TTC23L: variants seen among roughly 807,000 people sequenced by gnomAD.
TTC23L encodes tetratricopeptide repeat domain 23 like, also known as tetratricopeptide repeat protein 23-like.
Under a neutral mutation model 48.1 loss-of-function variants are expected in TTC23L, and 42 were observed. The observed-to-expected ratio is 0.87, with a 90% CI of 0.68 to 1.13. The LOEUF (loss-of-function observed/expected upper bound fraction) is 1.13, where lower values mean the gene tolerates loss of function less well. Ranked by LOEUF, TTC23L falls within the 50% of genes most tolerant of loss-of-function variation. TTC23L has a pLI of 0.00. For missense variants in TTC23L, 391 were observed against 421.0 expected (o/e 0.93, Z 0.62); for synonymous variants, 159 against 157.2 (o/e 1.01, Z -0.09).
chr5:34,923,768 A>G, the TTC23L span, among the ~76,000 whole-genome samples: 1 of 152,184 alleles, frequency 6.6e-6, no homozygotes, highest in Non-Finnish European at 1.5e-5. Flanking sequence ...AAATGCAAAT[A>G]ATTCTTTTGT....
the TTC23L span, chr5:34,914,091 C>T: frequency 7.0e-6 from 3 of 427,470 alleles, no homozygotes; most frequent in African/African-American, 2.0e-5. Context: ...TGTGCACTTA[C>T]GTGTTAAAAA....
At position 34,851,981 on chromosome 5, in the gene TTC23L, G is replaced by T. The variant is rs562651356; in HGVS notation, c.379+1673G>T. Reference sequence around the variant, plus strand: ...TTGAGGAAAGTCAGGGAAGGCTGCCGAGAGAAAGTGATATTTGTCCTGTCT... The same window carrying T: ...TTGAGGAAAGTCAGGGAAGGCTGCCTAGAGAAAGTGATATTTGTCCTGTCT... On this transcript the variant is annotated intron_variant, in intron 4 of 10. Transcript: ENST00000505624. Among the ~76,000 whole-genome samples the T allele has an allele frequency of 2.0e-5, 3 of 152,298 alleles. No homozygotes were observed. The South Asian group carries it at 6.2e-4, about 32-fold the overall frequency.
the TTC23L span, chr5:34,908,730 T>C: frequency 6.6e-7 from 1 of 1,524,718 alleles, no homozygotes; most frequent in Non-Finnish European, 8.9e-7. Context: ...TCATCTATCA[T>C]AAATGTACAC....
At chr5:34,877,622 C>T (rs778383430) in intron 8 of TTC23L, among the ~76,000 whole-genome samples, 1 of 152,036 alleles carries the variant, frequency 6.6e-6, no homozygotes, top group Non-Finnish European at 1.5e-5. Flanking sequence ...CGGGGTTTCA[C>T]CATGTTGGCC....
intron 10 of TTC23L, among the ~76,000 whole-genome samples, chr5:34,897,667 G>A (rs919921308): frequency 2.0e-5 from 3 of 152,092 alleles, no homozygotes; most frequent in Non-Finnish European, 4.4e-5. Context: ...CATACCTAAA[G>A]TCTTTTTGAA....
intron 9 of TTC23L, among the ~76,000 whole-genome samples, chr5:34,881,688 A>T (rs1762232569): frequency 6.6e-6 from 1 of 151,612 alleles, no homozygotes; most frequent in African/African-American, 2.4e-5. Context: ...TTTAATTGCC[A>T]TTTGTAAAGA....
the TTC23L span, chr5:34,911,818 A>G: frequency 6.2e-7 from 1 of 1,613,782 alleles, no homozygotes. Context: ...AGTCCCTGCA[A>G]TGGAAAGAAG....
chr5:34,841,975 G>A lies in TTC23L; in HGVS notation c.68+1236G>A, dbSNP rs74715492. The stretch of plus-strand genomic sequence containing the variant: ...CATCCACTAGATGCCAGTAGCACTA[G>A]CTCCAGTTGTGACAAGCAAAAATGT... On this transcript the variant is annotated intron_variant, in intron 2 of 10. Transcript: ENST00000505624. Among the ~76,000 whole-genome samples, 894 of 152,294 alleles carry A rather than the reference G, an allele frequency of 5.9e-3. 8 individuals carry two copies. Among genetic ancestry groups the A allele is most frequent in the African/African-American group, 0.02 (850 of 41,554 alleles).
At chr5:34,915,781 C>A in the TTC23L span, 1 of 1,599,118 alleles carries the variant, frequency 6.3e-7, no homozygotes, top group South Asian at 1.1e-5. Context: ...CTTTGCAGTT[C>A]AGGCGAAGAA....
chr5:34,918,384 A>G, the TTC23L span: 1 of 1,559,722 alleles, frequency 6.4e-7, no homozygotes, highest in Non-Finnish European at 8.8e-7. Flanking sequence ...AAAATAAGGA[A>G]CGGATTCTCA....
At chr5:34,897,608 C>T (rs1400175549) in intron 10 of TTC23L, among the ~76,000 whole-genome samples, 4 of 152,138 alleles carry the variant, frequency 2.6e-5, no homozygotes, top group African/African-American at 9.7e-5. Flanking sequence ...CAGGCATGAA[C>T]ACACCATACC....
chr5:34,888,564 A>G (rs891226140), intron 9 of TTC23L: 2 of 971,398 alleles, frequency 2.1e-6, no homozygotes, highest in Non-Finnish European at 2.4e-6. Context: ...GCCATCAGCC[A>G]TGTCATCAAT....
intron 9 of TTC23L, among the ~76,000 whole-genome samples, chr5:34,893,971 A>G (rs1277605902): frequency 2.0e-5 from 3 of 152,288 alleles, no homozygotes; most frequent in East Asian, 1.9e-4. Flanking sequence ...TTTTTAACCT[A>G]TCGTTTTTGT....
chr5:34,925,488 C>T, the TTC23L span: 1 of 1,607,692 alleles, frequency 6.2e-7, no homozygotes, highest in Non-Finnish European at 8.5e-7. Context: ...AGTGGGAAAA[C>T]AAAATAAGTC....
chr5:34,919,336 CTGT>C, the TTC23L span, among the ~76,000 whole-genome samples: 6 of 142,968 alleles, frequency 4.2e-5, no homozygotes, highest in Non-Finnish European at 7.6e-5. Context: ...CATCATATGG[CTGT>C]TGTTGTGCTT....
chr5:34,875,635 T>A (rs188478342), intron 8 of TTC23L, among the ~76,000 whole-genome samples: 179 of 152,214 alleles, frequency 1.2e-3, no homozygotes, highest in African/African-American at 4.2e-3. Context: ...GGCAACACCC[T>A]CGCAGACACA....
intron 9 of TTC23L, among the ~76,000 whole-genome samples, chr5:34,887,281 C>G (rs1388125898): frequency 6.6e-6 from 1 of 152,020 alleles, no homozygotes; most frequent in Non-Finnish European, 1.5e-5. Flanking sequence ...AGCATGAACA[C>G]GCGGATGACA....
intron 4 of TTC23L, among the ~76,000 whole-genome samples, chr5:34,860,392 G>C (rs547761241): frequency 6.6e-6 from 1 of 152,176 alleles, no homozygotes. Flanking sequence ...TACTAACTAT[G>C]TATTTCTCCA....
chr5:34,858,802 T>C (rs1481718748), intron 4 of TTC23L, among the ~76,000 whole-genome samples: 1 of 152,126 alleles, frequency 6.6e-6, no homozygotes, highest in Non-Finnish European at 1.5e-5. Context: ...GTGAAAGAAG[T>C]TTTTTCCCTT....
Sources: gnomAD v4.1 joint callset for allele counts (sites outside exome capture counted in the v4.1 genomes callset) on GRCh38, gnomAD v4.1.1 for gene constraint, MANE v1.5 for transcripts, NCBI Gene and HGNC (gene_info 2026-07-23, HGNC 2026-07-21) for gene names.